The following ERVW-1 variants were observed in gnomAD, a reference collection of about 807,000 sequenced individuals.
ERVW-1 encodes the protein syncytin-1.
A neutral mutation model predicts 16.6 loss-of-function variants in ERVW-1; 21 were observed. The observed-to-expected ratio is 1.26, with a 90% CI of 0.90 to 1.82. ERVW-1 has a LOEUF of 1.82. Among genes scored for constraint, ERVW-1 ranks in the 40% most tolerant of loss-of-function variants. The pLI is 0.00. For synonymous variants in ERVW-1, 161 were observed against 109.8 expected (o/e 1.47, Z -2.92); for missense variants, 412 against 300.2 (o/e 1.37, Z -2.75).
intron 1 of ERVW-1, among the ~76,000 whole-genome samples, chr7:92,473,628 A>G (rs978400612): frequency 6.6e-6 from 1 of 151,804 alleles, no homozygotes; most frequent in African/African-American, 2.4e-5. Context: ...GCTTTCAAGC[A>G]TAATTAGAAA....
Position 92,469,997 on chromosome 7 carries a change from CAT to C in ERVW-1, c.383_384del (p.His128ArgfsTer16), listed in dbSNP as rs1235122323. The C allele has an allele frequency of 2.6e-6, 2 of 777,926 alleles. No individual in the cohort carries two copies. Among genetic ancestry groups the C allele is most frequent in the Non-Finnish European group, 4.8e-6 (2 of 417,502 alleles). 48.2% of individuals were successfully genotyped at this position (777,926 alleles called of 1,614,324 possible). ...GTGAGTTGGGAGATTACTTCTTTTA[CAT>C]GTTTTTCTCTTGCCTGATCTTGAAC... ...GGVQDQAREK[H>X]VKEVISQLTR... On this transcript the variant is annotated frameshift_variant, in exon 2 of 2. Coordinates refer to ENST00000603053, the MANE Select transcript of ERVW-1 (RefSeq NM_001130925.2). LOFTEE classifies it high-confidence loss of function.
chr7:92,474,074 A>G (rs1200824264), intron 1 of ERVW-1, among the ~76,000 whole-genome samples: 4 of 152,036 alleles, frequency 2.6e-5, no homozygotes, highest in South Asian at 2.1e-4. Context: ...TAGGCATTCA[A>G]TTTGCCCAGC....
In ERVW-1 at chr7:92,468,639, G is replaced by A. The variant is rs937739227; in HGVS notation, c.*126C>T. 1.2e-5 allele frequency: 7 copies of A among 583,038 alleles called. No individual in the cohort carries two copies. Among genetic ancestry groups the A allele is most frequent in the African/African-American group, 7.4e-5 (4 of 53,748 alleles). 36.1% of individuals were successfully genotyped at this position (583,038 alleles called of 1,614,324 possible). ...AAGCCCCGTGTTTAAAGGTGGATGT[G>A]GTCACCTTCCCAGCTAGGCTTAGGG... is the stretch of plus-strand genomic sequence containing the variant. On this transcript the variant is annotated 3_prime_UTR_variant, in exon 2 of 2. Coordinates refer to ENST00000603053, the MANE Select transcript of ERVW-1 (RefSeq NM_001130925.2).
chr7:92,469,367 C>A lies in ERVW-1; in HGVS notation c.1015G>T (p.Gly339Cys). Residue 339 changes from glycine (G) to cysteine (C), a missense_variant, in exon 2 of 2, where the codon GGT becomes TGT. By Grantham distance (159) the Gly-to-Cys change is radical. Transcript: ENST00000603053. The stretch of plus-strand genomic sequence containing the variant: ...TAGAACTGAGTAGAGGTTGTGATAC[C>A]GCCAATGCCAGTACCTAGTGCACCT... ...VLGALGTGIGGITTSTQFYYK... is the reference protein window; with the variant it reads ...VLGALGTGIGCITTSTQFYYK... 1 of 767,354 alleles carries A rather than the reference C, an allele frequency of 1.3e-6. No homozygotes were observed. Among genetic ancestry groups the A allele is most frequent in the Non-Finnish European group, 2.4e-6 (1 of 417,810 alleles). The allele number at this position is 767,354 out of a possible 1,614,324, so 47.5% of individuals were successfully genotyped here.
chr7:92,472,663 C>T (rs547448894), intron 1 of ERVW-1: 1 of 152,184 alleles, frequency 6.6e-6, no homozygotes, highest in African/African-American at 2.4e-5. Flanking sequence ...CTGGCTATTT[C>T]GCCATACCTG....
At chr7:92,475,776 G>C (rs774974794) in intron 1 of ERVW-1, among the ~76,000 whole-genome samples, 1 of 152,128 alleles carries the variant, frequency 6.6e-6, no homozygotes, top group Non-Finnish European at 1.5e-5. Flanking sequence ...AGCTGGGCTG[G>C]GTTCCTATTT....
intron 1 of ERVW-1, chr7:92,471,622 A>C (rs1283426248): frequency 6.6e-6 from 1 of 152,112 alleles, no homozygotes; most frequent in Non-Finnish European, 1.5e-5. Context: ...AGCATTTCTA[A>C]TGGAGGGTCC....
In ERVW-1 at chr7:92,470,398, A is replaced by G; in HGVS notation, c.-17T>C. ...GAGGGCCATGGGGATTTATGATTTT[A>G]GTTACTTTCCTCCTGGTTGTTGTTT... On this transcript the variant is annotated 5_prime_UTR_variant, in exon 2 of 2. Transcript: ENST00000603053. 1.5e-6 allele frequency: 1 copy of G among 680,550 alleles called. No individual in the cohort carries two copies. Among genetic ancestry groups the G allele is most frequent in the Non-Finnish European group, 2.7e-6 (1 of 371,526 alleles). 42.2% of individuals were successfully genotyped at this position (680,550 alleles called of 1,614,324 possible). A position where few individuals can be genotyped will look rare whatever the true frequency, so the allele number is the denominator to read the frequency against.
chr7:92,474,043 C>T (rs369883374), intron 1 of ERVW-1, among the ~76,000 whole-genome samples: 3 of 152,022 alleles, frequency 2.0e-5, no homozygotes, highest in Non-Finnish European at 4.4e-5. Flanking sequence ...CCTTGTAGAC[C>T]GCACTGGAAG....
Position 92,470,232 on chromosome 7 carries a change from T to C in ERVW-1, c.150A>G (p.Pro50=). 2.6e-6 allele frequency: 2 copies of C among 778,674 alleles called. No individual in the cohort carries two copies. Among genetic ancestry groups the C allele is most frequent in the Non-Finnish European group, 4.8e-6 (2 of 417,868 alleles). 48.2% of individuals were successfully genotyped at this position (778,674 alleles called of 1,614,324 possible). ...RMQRPGNIDA[P]SYRSLSKGTP... ...TTCCCTTAGAAAGACTCCTATACGA[T>C]GGGGCATCAATATTTCCGGGACGCT... The change falls in exon 2 of 2, where the codon CCA becomes CCG. Residue 50 remains proline (P), a synonymous_variant. Transcript: ENST00000603053.
rs1427176978 is a variant in ERVW-1, at chr7:92,469,034, G to T, written c.1348C>A (p.Pro450Thr). Residue 450 changes from proline (P) to threonine (T), a missense_variant, in exon 2 of 2, where the codon CCC becomes ACC. Pro to Thr is a conservative substitution (Grantham distance 38). Transcript: ENST00000603053. Reference protein sequence around the residue: ...LLSQWMPWILPFLGPLAAIIL... With the variant: ...LLSQWMPWILTFLGPLAAIIL... ...ATAGCTGCTAGAGGTCCTAAGAAGG[G>T]GAGAATCCAGGGCATCCATTGGCTG... The T allele has an allele frequency of 1.4e-6, 1 of 714,564 alleles. No individual in the cohort carries two copies. Among genetic ancestry groups the T allele is most frequent in the Non-Finnish European group, 2.5e-6 (1 of 392,160 alleles). 44.3% of individuals were successfully genotyped at this position (714,564 alleles called of 1,614,324 possible).
In ERVW-1 at chr7:92,469,464, G is replaced by A. The variant is rs1382822176; in HGVS notation, c.918C>T (p.Tyr306=). ...TGCGGGGCTTAGATATGACATAACT[G>A]TATAAATCTTGTTCAGTGTAGATGG... ...PMTIYTEQDL[Y]SYVISKPRNK... The change falls in exon 2 of 2, where the codon TAC becomes TAT. Residue 306 remains tyrosine (Y), a synonymous_variant. Transcript: ENST00000603053. 2 of 768,086 alleles carry A rather than the reference G, an allele frequency of 2.6e-6. No homozygotes were observed. Among genetic ancestry groups the A allele is most frequent in the South Asian group, 1.4e-5 (1 of 72,712 alleles). 47.6% of individuals were successfully genotyped at this position (768,086 alleles called of 1,614,324 possible).
rs756344916 is a variant in ERVW-1 at position 92,470,263 on chromosome 7, C to T, written c.119G>A (p.Arg40Lys). The T allele has an allele frequency of 5.1e-6, 4 of 778,716 alleles. No homozygotes were observed. The South Asian group carries it at 5.4e-5, about 10-fold the overall frequency. 48.2% of individuals were successfully genotyped at this position (778,716 alleles called of 1,614,324 possible). The change falls in exon 2 of 2, where the codon AGA (arginine) becomes AAA (lysine). Residue 40 changes from arginine (R) to lysine (K), a missense_variant. Physicochemically the swap from Arg to Lys is conservative, Grantham distance 26. Transcript: ENST00000603053. ...SSSPYQEFLW[R>K]MQRPGNIDAP... Reference sequence around the variant, plus strand: ...ATCAATATTTCCGGGACGCTGCATTCTCCATAGAAACTCTTGGTAAGGGGA... The same window carrying T: ...ATCAATATTTCCGGGACGCTGCATTTTCCATAGAAACTCTTGGTAAGGGGA...
At chr7:92,476,340 G>A (rs185244805) in intron 1 of ERVW-1, among the ~76,000 whole-genome samples, 10 of 152,240 alleles carry the variant, frequency 6.6e-5, no homozygotes, top group Non-Finnish European at 1.0e-4. Context: ...AAGCAGTTGC[G>A]CTACCGACTG....
intron 1 of ERVW-1, chr7:92,475,239 T>A (rs970460689): frequency 9.2e-5 from 14 of 152,086 alleles, no homozygotes; most frequent in African/African-American, 3.1e-4. Context: ...TGTCTGAGGG[T>A]CAAATTGGTC....
chr7:92,468,915 G>T lies in ERVW-1; in HGVS notation c.1467C>A (p.Pro489=). The T allele has an allele frequency of 1.3e-6, 1 of 764,102 alleles. No homozygotes were observed. The highest frequency in any genetic ancestry group is 2.4e-6 in the Non-Finnish European group (1 of 417,854). The allele number at this position is 764,102 out of a possible 1,614,324, so 47.3% of individuals were successfully genotyped here. A position where few individuals can be genotyped will look rare whatever the true frequency, so the allele number is the denominator to read the frequency against. ...RIEAVKLQME[P]KMQSKTKIYR... The stretch of plus-strand genomic sequence containing the variant: ...AGATCTTAGTCTTGGACTGCATCTT[G>T]GGCTCCATTTGTAGTTTTACAGCTT... The change falls in exon 2 of 2, where the codon CCC becomes CCA. Residue 489 remains proline (P), a synonymous_variant. Coordinates refer to ENST00000603053, the MANE Select transcript of ERVW-1 (RefSeq NM_001130925.2).
At chr7:92,476,134 C>T (rs757737992) in intron 1 of ERVW-1, among the ~76,000 whole-genome samples, 19 of 152,168 alleles carry the variant, frequency 1.2e-4, no homozygotes, top group African/African-American at 3.9e-4. Flanking sequence ...ATTTAAATCC[C>T]GTTAGGAAAT....
At chr7:92,476,346 G>T (rs981581517) in intron 1 of ERVW-1, among the ~76,000 whole-genome samples, 17 of 152,104 alleles carry the variant, frequency 1.1e-4, no homozygotes. Context: ...TTGCGCTACC[G>T]ACTGAATGCA....
intron 1 of ERVW-1, chr7:92,472,327 C>A (rs1490972766): frequency 6.6e-6 from 1 of 152,190 alleles, no homozygotes; most frequent in Non-Finnish European, 1.5e-5. Flanking sequence ...ACAGTAAGAT[C>A]TCTTCCCTGT....
Sources: allele counts gnomAD v4.1 joint callset (sites outside exome capture counted in the v4.1 genomes callset), GRCh38; gene constraint gnomAD v4.1.1; transcripts MANE v1.5; gene names NCBI Gene and HGNC (gene_info 2026-07-23, HGNC 2026-07-21).